The following RMDN2 variants were observed in gnomAD, a reference collection of about 807,000 sequenced individuals.
RMDN2 encodes the protein regulator of microtubule dynamics protein 2.
RMDN2 carries 61 observed loss-of-function variants against 52.8 expected under a neutral mutation model. That is an observed-to-expected ratio of 1.16 (90% CI 0.94 to 1.43). The LOEUF (loss-of-function observed/expected upper bound fraction) is 1.43, where lower values mean the gene tolerates loss of function less well. RMDN2 is among the 40% of genes most tolerant of loss of function. The pLI is 0.00. For missense variants in RMDN2, 592 were observed against 475.3 expected (o/e 1.25, Z -2.28); for synonymous variants, 180 against 153.1 (o/e 1.18, Z -1.30).
chr2:38,036,283 G>A (rs1005032002), intron 10 of RMDN2: 3 of 152,210 alleles, frequency 2.0e-5, no homozygotes, highest in Non-Finnish European at 4.4e-5. Flanking sequence ...TCTTCCTACT[G>A]TGCCCAGCTA....
At chr2:37,969,509 G>T (rs1572864910) in intron 2 of RMDN2, among the ~76,000 whole-genome samples, 1 of 150,648 alleles carries the variant, frequency 6.6e-6, no homozygotes, top group East Asian at 1.9e-4. Context: ...ATATTTTCTT[G>T]TTTTATAGAG....
chr2:38,034,591 T>A (rs1009200810), intron 10 of RMDN2, among the ~76,000 whole-genome samples: 4 of 152,142 alleles, frequency 2.6e-5, no homozygotes, highest in African/African-American at 9.7e-5. Flanking sequence ...TTAAATTGTA[T>A]TGTGGTAAAC....
At chr2:38,038,855 C>G (rs1166685297) in intron 10 of RMDN2, among the ~76,000 whole-genome samples, 1 of 152,062 alleles carries the variant, frequency 6.6e-6, no homozygotes, top group East Asian at 1.9e-4. Context: ...CTTGGCATCT[C>G]CCATCCCATC....
rs763927952 is a variant in RMDN2 at position 37,975,291 on chromosome 2, A to C, written c.707A>C (p.Glu236Ala). Reference protein sequence around the residue: ...DMYELSTNTQEKKHYANIGKT... With the variant: ...DMYELSTNTQAKKHYANIGKT... ...TATGAACTATCTACAAACACACAAG[A>C]AAAGAAACATTATGCTAATATTGGT... The change falls in exon 4 of 11, where the codon GAA (glutamate) becomes GCA (alanine). Residue 236 changes from glutamate (E) to alanine (A), a missense_variant. Glu to Ala is a moderately radical substitution (Grantham distance 107). Transcript: ENST00000354545. 19 of 1,599,086 alleles carry C rather than the reference A, an allele frequency of 1.2e-5. No individual in the cohort carries two copies. The highest frequency in any genetic ancestry group is 1.7e-4 in the Middle Eastern group (1 of 6,050).
intron 2 of RMDN2, among the ~76,000 whole-genome samples, chr2:37,935,689 C>T (rs1181650271): frequency 6.6e-6 from 1 of 152,060 alleles, no homozygotes; most frequent in East Asian, 1.9e-4. Context: ...CATAAATGGT[C>T]TTTTCTTCTT....
At chr2:37,939,936 G>A (rs1480436081) in intron 2 of RMDN2, among the ~76,000 whole-genome samples, 1 of 152,104 alleles carries the variant, frequency 6.6e-6, no homozygotes, top group East Asian at 1.9e-4. Flanking sequence ...GATGCTAGCT[G>A]GTTATTTTGC....
intron 10 of RMDN2, among the ~76,000 whole-genome samples, chr2:38,010,121 G>T (rs1273279642): frequency 2.0e-5 from 3 of 152,152 alleles, no homozygotes; most frequent in African/African-American, 7.2e-5. Context: ...GTCTGCCCTT[G>T]CTGGGTGGTG....
At chr2:38,041,736 G>A (rs1199632090) in intron 10 of RMDN2, among the ~76,000 whole-genome samples, 5 of 152,024 alleles carry the variant, frequency 3.3e-5, no homozygotes, top group Admixed American at 2.0e-4. Context: ...GTGTATTAAT[G>A]TGATAGATCA....
At chr2:38,047,046 A>T (rs966907065) in intron 10 of RMDN2, among the ~76,000 whole-genome samples, 1 of 152,178 alleles carries the variant, frequency 6.6e-6, no homozygotes, top group African/African-American at 2.4e-5. Flanking sequence ...CAATATTATG[A>T]AAGGAAACAA....
In RMDN2 at chr2:38,010,202, G is replaced by C. The variant is rs574488528; in HGVS notation, c.1179+5986G>C. ...CAGTCTGTCCATTCTCAGATCTCCA[G>C]CTGCGTGCTGGGAGAACCACTACTC... On this transcript the variant is annotated intron_variant, in intron 10 of 10. Transcript: ENST00000354545. 3.3e-5 allele frequency among the ~76,000 whole-genome samples: 5 copies of C among 152,328 alleles called. No individual in the cohort carries two copies. The South Asian group carries it at 6.2e-4, about 19-fold the overall frequency.
intron 10 of RMDN2, among the ~76,000 whole-genome samples, chr2:38,047,553 T>C (rs1207339038): frequency 2.0e-5 from 3 of 152,250 alleles, no homozygotes; most frequent in African/African-American, 7.2e-5. Context: ...AGTTTTTTGA[T>C]TTATGAACAT....
At chr2:38,017,086 G>A (rs1428837060) in intron 10 of RMDN2, 100 bp from the exon 11 acceptor site, 3 of 579,936 alleles carry the variant, frequency 5.2e-6, no homozygotes, top group Non-Finnish European at 8.2e-6. Context: ...AAGTTCTCAT[G>A]TTGGGGAATC....
At chr2:38,025,604 G>C (rs891157778) in intron 10 of RMDN2, among the ~76,000 whole-genome samples, 6 of 151,868 alleles carry the variant, frequency 4.0e-5, no homozygotes, top group African/African-American at 1.5e-4. Flanking sequence ...TTACCTGTAG[G>C]TTTTTTTGGA....
At chr2:37,927,146 C>G (rs1056490204) in intron 1 of RMDN2, among the ~76,000 whole-genome samples, 1 of 152,108 alleles carries the variant, frequency 6.6e-6, no homozygotes, top group Non-Finnish European at 1.5e-5. Flanking sequence ...TCCGTTGATT[C>G]TATTTTTTTC....
chr2:37,997,389 A>T, intron 7 of RMDN2, 27 bp from the exon 8 acceptor site: 1 of 1,438,620 alleles, frequency 7.0e-7, no homozygotes, highest in East Asian at 2.3e-5. Flanking sequence ...ACAACTTTCT[A>T]AGAGTGATGT....
intron 7 of RMDN2, among the ~76,000 whole-genome samples, chr2:37,994,327 TAA>T (rs2125149298): frequency 6.6e-6 from 1 of 152,310 alleles, no homozygotes; most frequent in Admixed American, 6.5e-5. Flanking sequence ...TTTCTGAAAA[TAA>T]ACTGTTACGG....
chr2:37,960,708 A>T (rs1406350022), intron 2 of RMDN2, among the ~76,000 whole-genome samples: 1 of 152,190 alleles, frequency 6.6e-6, no homozygotes, highest in Non-Finnish European at 1.5e-5. Context: ...TAATATTGTT[A>T]TATGTGAATT....
intron 2 of RMDN2, among the ~76,000 whole-genome samples, chr2:37,957,173 G>A (rs1050581005): frequency 2.6e-5 from 4 of 152,086 alleles, no homozygotes; most frequent in Admixed American, 6.6e-5. Context: ...TATATATCCC[G>A]TTAATGGGAT....
chr2:37,987,465 A>C (rs531578402), intron 5 of RMDN2, among the ~76,000 whole-genome samples: 10 of 152,354 alleles, frequency 6.6e-5, no homozygotes, highest in African/African-American at 1.9e-4. Context: ...TATGGTTCCA[A>C]CTATATGACA....
Sources: gnomAD v4.1 joint callset for allele counts (sites outside exome capture counted in the v4.1 genomes callset) on GRCh38, gnomAD v4.1.1 for gene constraint, MANE v1.5 for transcripts, NCBI Gene and HGNC (gene_info 2026-07-23, HGNC 2026-07-21) for gene names.